Variants in MTHFD2L observed in about 807,000 individuals in gnomAD.
MTHFD2L encodes methylenetetrahydrofolate dehydrogenase (NADP+ dependent) 2 like.
In MTHFD2L, 29 loss-of-function variants were observed where a neutral mutation model predicts 34.9. The observed-to-expected ratio is 0.83, with a 90% CI of 0.62 to 1.13. The LOEUF (loss-of-function observed/expected upper bound fraction) is 1.13, where lower values mean the gene tolerates loss of function less well. Ranked by LOEUF, MTHFD2L falls within the 50% of genes most tolerant of loss-of-function variation. The pLI is 0.00. For synonymous variants in MTHFD2L, 167 were observed against 155.7 expected (o/e 1.07, Z -0.54); for missense variants, 481 against 446.5 (o/e 1.08, Z -0.70).
intron 1 of MTHFD2L, among the ~76,000 whole-genome samples, chr4:74,140,091 G>C (rs1293180732): frequency 6.6e-6 from 1 of 152,094 alleles, no homozygotes; most frequent in East Asian, 1.9e-4. Context: ...CCAGGTGGGT[G>C]GATGGATTGA....
intron 6 of MTHFD2L, among the ~76,000 whole-genome samples, chr4:74,260,984 A>G (rs1195073588): frequency 6.7e-6 from 1 of 148,984 alleles, no homozygotes; most frequent in Non-Finnish European, 1.5e-5. Flanking sequence ...AAAAAATCTA[A>G]TAAAGGGTAT....
At chr4:74,260,927 G>C (rs74931301) in intron 6 of MTHFD2L, among the ~76,000 whole-genome samples, 2,762 of 77,216 alleles carry the variant, frequency 0.036, 41 homozygotes, top group Non-Finnish European at 0.042. Flanking sequence ...AAAAAACAAA[G>C]AAACAATTAA....
chr4:74,238,079 C>T (rs932809532), intron 6 of MTHFD2L, among the ~76,000 whole-genome samples: 2 of 152,074 alleles, frequency 1.3e-5, no homozygotes, highest in Non-Finnish European at 2.9e-5. Context: ...ATTTTAATAG[C>T]ATCAGCATAT....
At chr4:74,179,321 G>A (rs1235919614) in intron 3 of MTHFD2L, among the ~76,000 whole-genome samples, 1 of 151,924 alleles carries the variant, frequency 6.6e-6, no homozygotes, top group African/African-American at 2.4e-5. Flanking sequence ...TGATCGTTTG[G>A]TTTCCCTGTT....
intron 6 of MTHFD2L, chr4:74,266,953 A>C (rs901755157): frequency 2.0e-6 from 2 of 985,322 alleles, no homozygotes; most frequent in Admixed American, 1.2e-4. Flanking sequence ...CATCTTTAAA[A>C]GAAAGAAATT....
intron 5 of MTHFD2L, among the ~76,000 whole-genome samples, chr4:74,207,759 A>T (rs528306966): frequency 0.014 from 1,601 of 113,570 alleles, 42 homozygotes; most frequent in African/African-American, 0.06. Flanking sequence ...CCAGTTGTGA[A>T]AAAGAACTTT....
At chr4:74,252,626 A>G (rs1291511068) in intron 6 of MTHFD2L, among the ~76,000 whole-genome samples, 1 of 152,186 alleles carries the variant, frequency 6.6e-6, no homozygotes, top group Non-Finnish European at 1.5e-5. Flanking sequence ...GTTAAAAAAT[A>G]AAACTTTAAC....
At chr4:74,168,102 C>T (rs1370595785) in intron 1 of MTHFD2L, among the ~76,000 whole-genome samples, 1 of 152,138 alleles carries the variant, frequency 6.6e-6, no homozygotes, top group Non-Finnish European at 1.5e-5. Context: ...AGAGTCTATC[C>T]TTCATATTTT....
At chr4:74,249,816 T>C (rs1312469446) in intron 6 of MTHFD2L, among the ~76,000 whole-genome samples, 1 of 152,242 alleles carries the variant, frequency 6.6e-6, no homozygotes, top group Non-Finnish European at 1.5e-5. Flanking sequence ...GCCCCCACTC[T>C]CTTCTGGCTC....
chr4:74,266,977 T>G (rs997318148), intron 6 of MTHFD2L: 1 of 985,326 alleles, frequency 1.0e-6, no homozygotes, highest in East Asian at 1.1e-4. Flanking sequence ...CTAATTGGTT[T>G]TTCAAGTTGA....
Position 74,151,345 on chromosome 4 carries a change from A to G in MTHFD2L, c.-296-8710A>G, listed in dbSNP as rs139852393. ...CAGATTCAAATCAAAAATCAATTTT[A>G]TAGTTACAGAAGATTGTATAAATGA... is the stretch of plus-strand genomic sequence containing the variant. On this transcript the variant is annotated intron_variant, in intron 1 of 7. Transcript: ENST00000433372. Among the ~76,000 whole-genome samples the G allele has an allele frequency of 5.8e-3, 887 of 152,340 alleles. 4 individuals carry two copies. The highest frequency in any genetic ancestry group is 9.1e-3 in the Non-Finnish European group (619 of 68,012).
At chr4:74,277,430 T>C (rs1746821233) in intron 6 of MTHFD2L, among the ~76,000 whole-genome samples, 1 of 151,936 alleles carries the variant, frequency 6.6e-6, no homozygotes, top group African/African-American at 2.4e-5. Flanking sequence ...CCCATTGTAG[T>C]TACTAGGATG....
At chr4:74,157,534 T>G (rs945387623), upstream of MTHFD2L, 1 of 395,322 alleles carries the variant, frequency 2.5e-6, no homozygotes, top group African/African-American at 2.1e-5. Flanking sequence ...AAGACAGATA[T>G]TGGTCAATAT....
chr4:74,256,432 C>T (rs1003051417), intron 6 of MTHFD2L, among the ~76,000 whole-genome samples: 24 of 152,122 alleles, frequency 1.6e-4, no homozygotes, highest in East Asian at 9.7e-4. Context: ...ATTTTTGTTG[C>T]GATTGCTTTT....
chr4:74,158,042 C>T (rs1724495723), upstream of MTHFD2L: 2 of 1,515,134 alleles, frequency 1.3e-6, no homozygotes, highest in Non-Finnish European at 1.8e-6. Context: ...TACTTGCTGC[C>T]CTGCCAGCCC....
chr4:74,290,685 G>T (rs931153473), intron 7 of MTHFD2L, among the ~76,000 whole-genome samples: 1 of 151,748 alleles, frequency 6.6e-6, no homozygotes, highest in East Asian at 1.9e-4. Flanking sequence ...CATTGCTCAC[G>T]TTTTCTCTCC....
chr4:74,205,440 A>C (rs999330443), intron 5 of MTHFD2L, among the ~76,000 whole-genome samples: 1 of 152,162 alleles, frequency 6.6e-6, no homozygotes, highest in Non-Finnish European at 1.5e-5. Flanking sequence ...GCAGAACCCT[A>C]GTGATTCGTT....
At chr4:74,170,127 T>A (rs1463799292) in intron 1 of MTHFD2L, among the ~76,000 whole-genome samples, 1 of 152,158 alleles carries the variant, frequency 6.6e-6, no homozygotes, top group Non-Finnish European at 1.5e-5. Flanking sequence ...CCTAACTCAT[T>A]CTATGAAGCT....
intron 1 of MTHFD2L, among the ~76,000 whole-genome samples, chr4:74,137,728 G>A (rs928858190): frequency 2.6e-5 from 4 of 152,096 alleles, no homozygotes; most frequent in Non-Finnish European, 4.4e-5. Context: ...ATGGAGGAAT[G>A]GATAAAGAAA....
Sources: allele counts gnomAD v4.1 joint callset (sites outside exome capture counted in the v4.1 genomes callset), GRCh38; gene constraint gnomAD v4.1.1; transcripts MANE v1.5; gene names NCBI Gene and HGNC (gene_info 2026-07-23, HGNC 2026-07-21).